The following MAGI2 variants were observed in gnomAD, a reference collection of about 807,000 sequenced individuals.
MAGI2 encodes membrane-associated guanylate kinase, WW and PDZ domain-containing protein 2.
Under a neutral mutation model 133.3 loss-of-function variants are expected in MAGI2, and 35 were observed. The ratio of observed to expected loss-of-function variants is 0.26; its 90% CI spans 0.20 to 0.35. The LOEUF is 0.35. MAGI2 is among the 10% of genes least tolerant of loss of function. The pLI is 1.00. For missense variants in MAGI2, 1,636 were observed against 1,863.4 expected, an observed-to-expected ratio of 0.88 and a Z score of 2.25; for synonymous variants, 729 against 710.6, an observed-to-expected ratio of 1.03 and a Z score of -0.41.
chr7:78,311,807 G>A (rs1798729680), intron 9 of MAGI2, among the ~76,000 whole-genome samples: 1 of 148,216 alleles, frequency 6.7e-6, no homozygotes, highest in Non-Finnish European at 1.5e-5. Context: ...ATCTTGCTGT[G>A]TCATCCAGGC....
At chr7:78,477,001 C>T (rs1413094466) in intron 6 of MAGI2, among the ~76,000 whole-genome samples, 1 of 151,944 alleles carries the variant, frequency 6.6e-6, no homozygotes, top group African/African-American at 2.4e-5. Context: ...CAGATCGTCT[C>T]ACTTCAGCAA....
chr7:79,098,424 T>C (rs1227233076), intron 1 of MAGI2, among the ~76,000 whole-genome samples: 1 of 152,202 alleles, frequency 6.6e-6, no homozygotes. Context: ...CTTAACACAT[T>C]GACACTACCC....
chr7:78,712,657 G>A (rs1819312475), intron 2 of MAGI2, among the ~76,000 whole-genome samples: 1 of 152,080 alleles, frequency 6.6e-6, no homozygotes, highest in Admixed American at 6.6e-5. Context: ...ATTTTAGTTG[G>A]TAAAGTCAGA....
intron 9 of MAGI2, among the ~76,000 whole-genome samples, chr7:78,286,194 T>A (rs947563955): frequency 2.6e-5 from 4 of 152,070 alleles, no homozygotes; most frequent in Admixed American, 2.6e-4. Flanking sequence ...ACTAAATTTG[T>A]TTTCTCTCTT....
At chr7:79,255,719 ATAAAGAAGCTAGAC>A (rs1833634032) in intron 1 of MAGI2, among the ~76,000 whole-genome samples, 1 of 152,170 alleles carries the variant, frequency 6.6e-6, no homozygotes, top group Non-Finnish European at 1.5e-5. Flanking sequence ...GTGGTTTCAT[ATAAAGAAGCTAGAC>A]GGTCTACAGA....
At chr7:79,388,099 G>C (rs903151136) in intron 1 of MAGI2, among the ~76,000 whole-genome samples, 1 of 151,836 alleles carries the variant, frequency 6.6e-6, no homozygotes, top group Non-Finnish European at 1.5e-5. Flanking sequence ...ATCTAGCCTA[G>C]TTTCATTTTC....
intron 6 of MAGI2, among the ~76,000 whole-genome samples, chr7:78,389,812 C>A (rs1314931333): frequency 6.6e-6 from 1 of 152,124 alleles, no homozygotes; most frequent in Non-Finnish European, 1.5e-5. Flanking sequence ...ATTGCCCTAA[C>A]ACAGACGTCA....
intron 21 of MAGI2, among the ~76,000 whole-genome samples, chr7:78,048,508 G>C (rs2151101704): frequency 6.6e-6 from 1 of 152,124 alleles, no homozygotes; most frequent in Admixed American, 6.5e-5. Flanking sequence ...TAAAATATCA[G>C]AAGCAATTTG....
chr7:78,972,310 T>C (rs905622250), intron 2 of MAGI2, among the ~76,000 whole-genome samples: 1 of 151,966 alleles, frequency 6.6e-6, no homozygotes, highest in Non-Finnish European at 1.5e-5. Context: ...AAATATTTCC[T>C]TCCTTACTAT....
At chr7:79,051,821 A>T (rs918416841) in intron 1 of MAGI2, among the ~76,000 whole-genome samples, 1 of 152,152 alleles carries the variant, frequency 6.6e-6, no homozygotes, top group African/African-American at 2.4e-5. Context: ...TTTAACCATT[A>T]GTAAGTTTTA....
intron 2 of MAGI2, among the ~76,000 whole-genome samples, chr7:78,774,171 T>C (rs756990971): frequency 1.3e-5 from 2 of 152,142 alleles, no homozygotes; most frequent in Admixed American, 1.3e-4. Flanking sequence ...AATCAGAACA[T>C]CTGGGGATAG....
intron 1 of MAGI2, among the ~76,000 whole-genome samples, chr7:79,346,718 A>G (rs1268842022): frequency 3.3e-5 from 5 of 151,892 alleles, no homozygotes. Context: ...CCAGTTTATT[A>G]CTGCTGGAAT....
intron 5 of MAGI2, among the ~76,000 whole-genome samples, chr7:78,490,232 C>T (rs993756799): frequency 6.6e-6 from 1 of 152,072 alleles, no homozygotes; most frequent in Non-Finnish European, 1.5e-5. Flanking sequence ...TAAACCTACC[C>T]TTTTCATAAA....
intron 14 of MAGI2, among the ~76,000 whole-genome samples, chr7:78,175,876 C>T (rs1826546533): frequency 6.6e-6 from 1 of 152,142 alleles, no homozygotes; most frequent in Non-Finnish European, 1.5e-5. Context: ...CTGATTAAAA[C>T]AAAATCGGCA....
intron 10 of MAGI2, among the ~76,000 whole-genome samples, chr7:78,205,615 C>A (rs1829660346): frequency 6.6e-6 from 1 of 151,988 alleles, no homozygotes; most frequent in Non-Finnish European, 1.5e-5. Context: ...ACTTCTGGAA[C>A]CTATTCATAT....
In MAGI2 at chr7:79,448,090, G is replaced by T. The variant is rs1214258826; in HGVS notation, c.301+4930C>A. On this transcript the variant is annotated intron_variant, in intron 1 of 21. Transcript: ENST00000354212. ...TTCAATATATTCAGCAATTCTTTGG[G>T]AGTAAAGATATGCGGTATGAAGAAA... is the stretch of plus-strand genomic sequence containing the variant. Among the ~76,000 whole-genome samples the T allele has an allele frequency of 7.9e-5, 12 of 151,830 alleles. No individual in the cohort carries two copies. In the East Asian group the frequency reaches 2.1e-3, roughly 27 times the overall value.
intron 1 of MAGI2, among the ~76,000 whole-genome samples, chr7:79,332,872 C>T (rs928784351): frequency 1.3e-5 from 2 of 152,134 alleles, no homozygotes; most frequent in African/African-American, 4.8e-5. Context: ...AGAGTTCTAA[C>T]TGTAGGAAGT....
intron 2 of MAGI2, among the ~76,000 whole-genome samples, chr7:78,838,378 G>A (rs901589430): frequency 5.9e-5 from 9 of 151,924 alleles, no homozygotes; most frequent in Non-Finnish European, 4.4e-5. Flanking sequence ...GTGAAATAGA[G>A]CAATTGATCA....
At chr7:78,238,104 G>A (rs994250170) in intron 10 of MAGI2, among the ~76,000 whole-genome samples, 2 of 152,016 alleles carry the variant, frequency 1.3e-5, no homozygotes, top group Admixed American at 1.3e-4. Context: ...CACAAGTTAT[G>A]TGTTTTTGGC....
Sources: allele counts gnomAD v4.1 joint callset (sites outside exome capture counted in the v4.1 genomes callset), GRCh38; gene constraint gnomAD v4.1.1; transcripts MANE v1.5; gene names NCBI Gene and HGNC (gene_info 2026-07-23, HGNC 2026-07-21).